Variants in SUGCT observed in about 807,000 individuals in gnomAD.
SUGCT encodes the protein succinyl-CoA:glutarate-CoA transferase.
A neutral mutation model predicts 55.0 loss-of-function variants in SUGCT; 41 were observed. The observed-to-expected ratio is 0.74, with a 90% confidence interval of 0.58 to 0.97. SUGCT has a LOEUF of 0.97. Ranked by LOEUF, SUGCT falls within the 50% of genes least tolerant of loss-of-function variation. The probability of loss-of-function intolerance (pLI) is 0.00; values close to 1 mark genes in which losing one functional copy is unlikely to be tolerated. For synonymous variants in SUGCT, 187 were observed against 200.4 expected (o/e 0.93, Z 0.56); for missense variants, 568 against 547.8 (o/e 1.04, Z -0.37).
the SUGCT span, among the ~76,000 whole-genome samples, chr7:40,994,203 G>T: frequency 6.6e-6 from 1 of 152,136 alleles, no homozygotes; most frequent in Non-Finnish European, 1.5e-5. Context: ...TGACCCCATG[G>T]CCCCTTGAAG....
chr7:40,847,393 C>T (rs1793612108), intron 13 of SUGCT, among the ~76,000 whole-genome samples: 1 of 143,118 alleles, frequency 7.0e-6, no homozygotes, highest in African/African-American at 2.5e-5. Flanking sequence ...ATGACATATA[C>T]ATTTCTTTTC....
the SUGCT span, among the ~76,000 whole-genome samples, chr7:40,890,817 A>C: frequency 2.6e-5 from 4 of 152,220 alleles, no homozygotes; most frequent in Non-Finnish European, 5.9e-5. Flanking sequence ...CAGTAATCTA[A>C]AGAAATGGAT....
the SUGCT span, among the ~76,000 whole-genome samples, chr7:40,867,185 A>G: frequency 6.7e-6 from 1 of 149,110 alleles, no homozygotes. Flanking sequence ...CTCTCCCCAT[A>G]TATATATTTA....
At chr7:40,416,947 A>G (rs1441337033) in intron 9 of SUGCT, among the ~76,000 whole-genome samples, 4 of 151,956 alleles carry the variant, frequency 2.6e-5, no homozygotes, top group Admixed American at 2.0e-4. Context: ...AGTGGTTTGT[A>G]TATTCATTTG....
the SUGCT span, among the ~76,000 whole-genome samples, chr7:41,025,781 C>T: frequency 6.6e-6 from 1 of 152,076 alleles, no homozygotes; most frequent in Non-Finnish European, 1.5e-5. Context: ...AGGAAGACAT[C>T]CATTTCTTTT....
the SUGCT span, among the ~76,000 whole-genome samples, chr7:41,014,170 G>A: frequency 6.6e-6 from 1 of 152,076 alleles, no homozygotes; most frequent in Non-Finnish European, 1.5e-5. Flanking sequence ...AGTGGGTGAG[G>A]GTATGTGAGA....
intron 13 of SUGCT, among the ~76,000 whole-genome samples, chr7:40,821,248 A>C (rs1213428460): frequency 1.3e-5 from 2 of 152,118 alleles, no homozygotes; most frequent in South Asian, 2.1e-4. Context: ...TGTCTCTGCC[A>C]GGCTTTGGTA....
intron 12 of SUGCT, among the ~76,000 whole-genome samples, chr7:40,551,688 T>C (rs1435235234): frequency 1.3e-5 from 2 of 152,152 alleles, no homozygotes; most frequent in South Asian, 4.1e-4. Flanking sequence ...GACCGTTCAG[T>C]TGGAGAGACA....
chr7:40,286,457 C>T (rs933362079), intron 8 of SUGCT, among the ~76,000 whole-genome samples: 11 of 152,140 alleles, frequency 7.2e-5, no homozygotes, highest in Non-Finnish European at 1.6e-4. Flanking sequence ...TTAATGTTAT[C>T]ACATCTATGA....
At chr7:40,700,660 T>C (rs1785135916) in intron 12 of SUGCT, among the ~76,000 whole-genome samples, 1 of 152,204 alleles carries the variant, frequency 6.6e-6, no homozygotes, top group Admixed American at 6.5e-5. Context: ...TCGGTGGTTT[T>C]ATATCTAAGT....
chr7:40,550,185 A>G (rs1486706518), intron 12 of SUGCT, among the ~76,000 whole-genome samples: 1 of 152,326 alleles, frequency 6.6e-6, no homozygotes, highest in East Asian at 1.9e-4. Flanking sequence ...CTACTACCCG[A>G]TTAAGAAATT....
chr7:40,903,643 C>T, the SUGCT span, among the ~76,000 whole-genome samples: 2 of 152,144 alleles, frequency 1.3e-5, no homozygotes, highest in Admixed American at 1.3e-4. Context: ...GATAAACCCC[C>T]CTCTAGCAAT....
chr7:40,709,381 C>T (rs904311880), intron 12 of SUGCT, among the ~76,000 whole-genome samples: 1 of 152,158 alleles, frequency 6.6e-6, no homozygotes, highest in Non-Finnish European at 1.5e-5. Context: ...AGGGAGCAGT[C>T]TTTAGGAAAA....
intron 12 of SUGCT, among the ~76,000 whole-genome samples, chr7:40,521,719 T>C (rs1793539282): frequency 6.6e-6 from 1 of 152,128 alleles, no homozygotes; most frequent in Non-Finnish European, 1.5e-5. Flanking sequence ...AAAATTCAAA[T>C]GAGACAGTGT....
At chr7:40,390,753 T>C (rs1785381676) in intron 9 of SUGCT, among the ~76,000 whole-genome samples, 1 of 152,162 alleles carries the variant, frequency 6.6e-6, no homozygotes, top group African/African-American at 2.4e-5. Context: ...AAGCTACCAA[T>C]GACTTTCTTC....
chr7:40,949,857 G>A, the SUGCT span, among the ~76,000 whole-genome samples: 3 of 152,272 alleles, frequency 2.0e-5, 1 homozygote, highest in South Asian at 6.2e-4. Context: ...GGTTACTGTA[G>A]CCTTATGGTA....
In SUGCT at chr7:40,274,073, C is replaced by CTTTTTTTTTTTT. The variant is rs386409972; in HGVS notation, c.577-426_577-415dup. On this transcript the variant is annotated intron_variant, in intron 7 of 13. Coordinates refer to ENST00000335693, the MANE Select transcript of SUGCT (RefSeq NM_001193313.2). Reference sequence around the variant, plus strand: ...GAGGTTTGACCAGATTTTTTACCTTCTTTTTTTTTTTTTTTTTTTTTTTTT... The same window carrying CTTTTTTTTTTTT: ...GAGGTTTGACCAGATTTTTTACCTTCTTTTTTTTTTTTTTTTTTTTTTTTTTTTTTTTTTTTT... 3.1e-4 allele frequency among the ~76,000 whole-genome samples: 21 copies of CTTTTTTTTTTTT among 68,018 alleles called. 2 individuals are homozygous for CTTTTTTTTTTTT. Among genetic ancestry groups the CTTTTTTTTTTTT allele is most frequent in the Admixed American group, 8.1e-4 (3 of 3,726 alleles). The allele number at this position is 68,018 out of a possible 152,430, so 44.6% of individuals were successfully genotyped here.
intron 3 of SUGCT, among the ~76,000 whole-genome samples, chr7:40,186,682 G>A (rs1785535086): frequency 6.6e-6 from 1 of 152,188 alleles, no homozygotes; most frequent in South Asian, 2.1e-4. Flanking sequence ...GTATCTGTGT[G>A]CCTGCAGGGC....
chr7:40,385,088 T>G (rs1472040489), intron 9 of SUGCT, among the ~76,000 whole-genome samples: 1 of 152,180 alleles, frequency 6.6e-6, no homozygotes, highest in Non-Finnish European at 1.5e-5. Flanking sequence ...ATCATAACAT[T>G]CTAGGGAATT....
Sources: gnomAD v4.1 joint callset for allele counts (sites outside exome capture counted in the v4.1 genomes callset) on GRCh38, gnomAD v4.1.1 for gene constraint, MANE v1.5 for transcripts, NCBI Gene and HGNC (gene_info 2026-07-23, HGNC 2026-07-21) for gene names.